The following CD163L1 variants were observed in gnomAD, a reference collection of about 807,000 sequenced individuals.
CD163L1 encodes the protein CD163 molecule like 1, also known as scavenger receptor cysteine-rich type 1 protein M160.
CD163L1 carries 124 observed loss-of-function variants against 165.4 expected under a neutral mutation model. The observed-to-expected ratio is 0.75, with a 90% CI of 0.65 to 0.87. CD163L1 has a LOEUF of 0.87. Among genes scored for constraint, CD163L1 ranks in the 40% least tolerant of loss-of-function variants. CD163L1 has a pLI of 0.00. For missense variants in CD163L1, 1,525 were observed against 1,799.9 expected (o/e 0.85, Z 2.76); for synonymous variants, 585 against 662.2 (o/e 0.88, Z 1.79).
Position 7,421,440 on chromosome 12 carries a change from C to CATATATGTACATATATACATAT in CD163L1, c.766+10975_766+10976insATATGTATATATGTACATATAT, listed in dbSNP as rs780938019. Among the ~76,000 whole-genome samples the CATATATGTACATATATACATAT allele has an allele frequency of 3.4e-5, 3 of 88,162 alleles. No homozygotes were observed. The East Asian group carries it at 1.6e-3, about 46-fold the overall frequency. The allele number at this position is 88,162 out of a possible 152,430, so 57.8% of individuals were successfully genotyped here. The stretch of plus-strand genomic sequence containing the variant: ...ATATATACATATATGTACATATATA[C>CATATATGTACATATATACATAT]ATATACATATATGTACATATATACA... On this transcript the variant is annotated intron_variant, in intron 4 of 19. Coordinates refer to ENST00000313599, the MANE Select transcript of CD163L1 (RefSeq NM_174941.6).
downstream of CD163L1, among the ~76,000 whole-genome samples, chr12:7,354,413 G>T (rs1946735827): frequency 6.6e-6 from 1 of 152,074 alleles, no homozygotes. Flanking sequence ...GGATAAAAAT[G>T]AAGACAACTA....
chr12:7,368,956 A>C lies in CD163L1; in HGVS notation c.4049T>G (p.Leu1350Arg). 6.2e-7 allele frequency: 1 copy of C among 1,613,332 alleles called. No individual in the cohort carries two copies. Among genetic ancestry groups the C allele is most frequent in the Non-Finnish European group, 8.5e-7 (1 of 1,179,850 alleles). ...ACCTGAGGAGGCATTCAGTGATTTCAGCGACTGTCCTGAGAGAGAGAGAGA... is the reference window on the plus strand; with the variant it reads ...ACCTGAGGAGGCATTCAGTGATTTCCGCGACTGTCCTGAGAGAGAGAGAGA... ...DAGVRCSGQSLKSLNASSGHL... is the reference protein window; with the variant it reads ...DAGVRCSGQSRKSLNASSGHL... The change falls in exon 16 of 20, where the codon CTG becomes CGG. Residue 1350 changes from leucine (L) to arginine (R), a missense_variant. Coordinates refer to ENST00000313599, the MANE Select transcript of CD163L1 (RefSeq NM_174941.6). The surrounding 1 kb of genome is among the most constrained non-coding windows in gnomAD (Gnocchi z 4.3).
intron 8 of CD163L1, among the ~76,000 whole-genome samples, chr12:7,385,661 T>G (rs746906551): frequency 5.6e-4 from 85 of 152,026 alleles, no homozygotes; most frequent in Non-Finnish European, 6.3e-4. Flanking sequence ...ATAAAGTATC[T>G]TATCAGACCA....
chr12:7,403,717 T>G lies in CD163L1; in HGVS notation c.1226A>C (p.Gln409Pro), dbSNP rs1388098379. The G allele has an allele frequency of 3.1e-6, 5 of 1,614,104 alleles. No individual in the cohort carries two copies. Among genetic ancestry groups the G allele is most frequent in the Non-Finnish European group, 3.4e-6 (4 of 1,179,976 alleles). ...KNEQALVVCK[Q>P]LGCPFSVFGS... Reference sequence around the variant, plus strand: ...AAAGACGCTGAACGGACATCCTAGCTGCTTACAAACCACAAGGGCTTGTTC... The same window carrying G: ...AAAGACGCTGAACGGACATCCTAGCGGCTTACAAACCACAAGGGCTTGTTC... The change falls in exon 6 of 20, where the codon CAG becomes CCG. Residue 409 changes from glutamine to proline, a missense_variant. Coordinates refer to ENST00000313599, the MANE Select transcript of CD163L1 (RefSeq NM_174941.6).
At position 7,375,000 on chromosome 12, in the gene CD163L1, T is replaced by C; in HGVS notation, c.3002-77A>G. ...AAGGTTGAAGAGTTCTGTAACAACA[T>C]GGAATCTGCAATTGTGATAAGGACT... On this transcript the variant is annotated intron_variant, in intron 11 of 19. Coordinates refer to ENST00000313599, the MANE Select transcript of CD163L1 (RefSeq NM_174941.6). The surrounding 1 kb of genome is among the most constrained non-coding windows in gnomAD (Gnocchi z 5.4). 2 of 1,329,478 alleles carry C rather than the reference T, an allele frequency of 1.5e-6. No individual in the cohort carries two copies. The highest frequency in any genetic ancestry group is 1.2e-5 in the South Asian group (1 of 83,998). 82.4% of individuals were successfully genotyped at this position (1,329,478 alleles called of 1,614,324 possible).
chr12:7,367,405 A>G, intron 17 of CD163L1, 74 bp from the exon 18 acceptor site: 2 of 899,930 alleles, frequency 2.2e-6, no homozygotes, highest in Non-Finnish European at 3.6e-6. Flanking sequence ...CTTAATGCTA[A>G]GGTTTGACAC....
chr12:7,423,679 C>T (rs978432338), intron 4 of CD163L1, among the ~76,000 whole-genome samples: 3 of 151,990 alleles, frequency 2.0e-5, no homozygotes, highest in South Asian at 2.1e-4. Flanking sequence ...TACAAACTAC[C>T]GTCAGAGAAC....
chr12:7,396,583 A>G (rs1188040336), intron 7 of CD163L1, among the ~76,000 whole-genome samples, 168 bp from the exon 8 acceptor site: 1 of 152,232 alleles, frequency 6.6e-6, no homozygotes, highest in African/African-American at 2.4e-5. Flanking sequence ...GACTTTGAGT[A>G]CAGCCAATTA....
At chr12:7,329,073 T>C in the CD163L1 span, among the ~76,000 whole-genome samples, 3 of 148,170 alleles carry the variant, frequency 2.0e-5, no homozygotes, top group Non-Finnish European at 4.5e-5. Context: ...TATCTGTATA[T>C]AAATATATAT....
At chr12:7,367,129 TAA>T (rs1008083765) in intron 18 of CD163L1, 105 bp downstream of exon 18, 15 of 545,056 alleles carry the variant, frequency 2.8e-5, no homozygotes, top group Admixed American at 3.0e-5. Context: ...GTATTTTGTA[TAA>T]GAGGCTGAGA....
chr12:7,412,213 A>G (rs1948151068), intron 4 of CD163L1, among the ~76,000 whole-genome samples: 1 of 152,358 alleles, frequency 6.6e-6, no homozygotes, highest in Non-Finnish European at 1.5e-5. Context: ...GTTCATTTCT[A>G]GAACAAAAGG....
intron 2 of CD163L1, among the ~76,000 whole-genome samples, chr12:7,436,350 C>T (rs2136641232): frequency 6.6e-6 from 1 of 152,190 alleles, no homozygotes; most frequent in East Asian, 1.9e-4. Flanking sequence ...AGAACCAATA[C>T]TATTTTGGAG....
chr12:7,421,517 ATATG>A lies in CD163L1; in HGVS notation c.766+10895_766+10898del, dbSNP rs1565810368. 2.1e-4 allele frequency among the ~76,000 whole-genome samples: 27 copies of A among 130,634 alleles called. 1 individual carries two copies. The highest frequency in any genetic ancestry group is 7.4e-4 in the South Asian group (3 of 4,048). The allele number at this position is 130,634 out of a possible 152,430, so 85.7% of individuals were successfully genotyped here. ...CATATATGTACATATACATATACAT[ATATG>A]TACATATATACATATACGTACACAT... On this transcript the variant is annotated intron_variant, in intron 4 of 19. Coordinates refer to ENST00000313599, the MANE Select transcript of CD163L1 (RefSeq NM_174941.6).
rs934083948 is a variant in CD163L1 at position 7,372,018 on chromosome 12, G to A, written c.3730+1302C>T. Among the ~76,000 whole-genome samples, 3 of 150,506 alleles carry A rather than the reference G, an allele frequency of 2.0e-5. No homozygotes were observed. Among genetic ancestry groups the A allele is most frequent in the African/African-American group, 7.3e-5 (3 of 40,902 alleles). ...GGTTTTTTTCAAATTTTTTGTTTGGGGAATGATATTATTTTGTGATACAAT... is the reference window on the plus strand; with the variant it reads ...GGTTTTTTTCAAATTTTTTGTTTGGAGAATGATATTATTTTGTGATACAAT... On this transcript the variant is annotated intron_variant, in intron 14 of 19. Coordinates refer to ENST00000313599, the MANE Select transcript of CD163L1 (RefSeq NM_174941.6). This position sits in a 1 kb window ranked among gnomAD's most constrained non-coding sequence, Gnocchi z 4.2.
chr12:7,390,737 A>G (rs1947637380), intron 8 of CD163L1, among the ~76,000 whole-genome samples: 1 of 152,206 alleles, frequency 6.6e-6, no homozygotes, highest in African/African-American at 2.4e-5. Flanking sequence ...TTATTCATTC[A>G]TCTTAGAAAA....
At chr12:7,439,691 T>C in intron 2 of CD163L1, 2 of 1,612,644 alleles carry the variant, frequency 1.2e-6, no homozygotes, top group Admixed American at 1.7e-5. Flanking sequence ...AGCACTTCTT[T>C]ACAGTCCTCC....
At chr12:7,344,989 G>A (rs1189337662), downstream of CD163L1, among the ~76,000 whole-genome samples, 1 of 152,164 alleles carries the variant, frequency 6.6e-6, no homozygotes, top group African/African-American at 2.4e-5. Flanking sequence ...GTGATGGGAG[G>A]GGCTGCTTCT....
In CD163L1 at chr12:7,368,890, G is replaced by T. The variant is rs780438994; in HGVS notation, c.4072+43C>A. 6.2e-7 allele frequency: 1 copy of T among 1,604,826 alleles called. No individual in the cohort carries two copies. Among genetic ancestry groups the T allele is most frequent in the South Asian group, 1.1e-5 (1 of 90,768 alleles). On this transcript the variant is annotated intron_variant, in intron 16 of 19. Transcript: ENST00000313599. The surrounding 1 kb of genome is among the most constrained non-coding windows in gnomAD (Gnocchi z 4.3). ...CTGCCCTCCCTTGACCTTCCATGTA[G>T]CCTTAGGTATTTGTGTCAGCACTGA...
intron 18 of CD163L1, among the ~76,000 whole-genome samples, chr12:7,364,983 A>G (rs533729535): frequency 6.6e-6 from 1 of 152,170 alleles, no homozygotes; most frequent in South Asian, 2.1e-4. Context: ...TTCTGAGCAA[A>G]AGAACATAGT....
Sources: gnomAD v4.1 joint callset for allele counts (sites outside exome capture counted in the v4.1 genomes callset) on GRCh38, gnomAD v4.1.1 for gene constraint, Gnocchi (gnomAD v3.1) non-coding constraint, MANE v1.5 for transcripts, NCBI Gene and HGNC (gene_info 2026-07-23, HGNC 2026-07-21) for gene names.